PPP1R21: variants seen among roughly 807,000 people sequenced by gnomAD.
PPP1R21 encodes the protein KLRAQ motif containing 1.
Under a neutral mutation model 112.8 loss-of-function variants are expected in PPP1R21, and 85 were observed. That is an observed-to-expected ratio of 0.75 (90% CI 0.63 to 0.90). PPP1R21 has a LOEUF of 0.90. PPP1R21 is among the 40% of genes least tolerant of loss of function. The probability of loss-of-function intolerance (pLI) is 0.00; values close to 1 mark genes in which losing one functional copy is unlikely to be tolerated. For missense variants in PPP1R21, 1,199 were observed against 901.5 expected (o/e 1.33, Z -4.23); for synonymous variants, 381 against 322.3 (o/e 1.18, Z -1.95).
intron 4 of PPP1R21, among the ~76,000 whole-genome samples, chr2:48,459,178 A>AACAC (rs147118323): frequency 3.8e-4 from 57 of 149,894 alleles, no homozygotes; most frequent in Admixed American, 1.5e-3. Context: ...AATGGTAGGA[A>AACAC]ACACACACAC....
At chr2:48,442,603 C>T (rs143245549) in intron 1 of PPP1R21, among the ~76,000 whole-genome samples, 1 of 152,254 alleles carries the variant, frequency 6.6e-6, no homozygotes, top group South Asian at 2.1e-4. Flanking sequence ...TAACGTAGTA[C>T]ATAGTTATGA....
At chr2:48,510,190 C>A in intron 20 of PPP1R21, 77 bp downstream of exon 20, 1 of 1,076,290 alleles carries the variant, frequency 9.3e-7, no homozygotes, top group East Asian at 2.6e-5. Context: ...CATTTCTTTT[C>A]CAAAGGCATT....
intron 19 of PPP1R21, among the ~76,000 whole-genome samples, chr2:48,507,924 C>A (rs373216986): frequency 6.6e-6 from 1 of 151,382 alleles, no homozygotes; most frequent in African/African-American, 2.4e-5. Flanking sequence ...CGCCATCATG[C>A]CTGGCTAATT....
Sources: allele counts gnomAD v4.1 joint callset (sites outside exome capture counted in the v4.1 genomes callset), GRCh38; gene constraint gnomAD v4.1.1; transcripts MANE v1.5; gene names NCBI Gene and HGNC (gene_info 2026-07-23, HGNC 2026-07-21).